MAP2K5: variants seen among roughly 807,000 people sequenced by gnomAD.
MAP2K5 encodes the protein dual specificity mitogen-activated protein kinase kinase 5.
In MAP2K5, 49 loss-of-function variants were observed where a neutral mutation model predicts 83.1. That is an observed-to-expected ratio of 0.59 (90% CI 0.47 to 0.75). The LOEUF (loss-of-function observed/expected upper bound fraction) is 0.75. Among genes scored for constraint, MAP2K5 ranks in the 30% least tolerant of loss-of-function variants. MAP2K5 has a pLI of 0.00. For synonymous variants in MAP2K5, 202 were observed against 191.8 expected, an observed-to-expected ratio of 1.05 and a Z score of -0.44; for missense variants, 457 against 557.5, an observed-to-expected ratio of 0.82 and a Z score of 1.82.
chr15:67,658,348 G>A (rs2087140983), intron 11 of MAP2K5, among the ~76,000 whole-genome samples: 1 of 152,050 alleles, frequency 6.6e-6, no homozygotes, highest in Non-Finnish European at 1.5e-5. Context: ...ATACACTTCA[G>A]AATAAAATGG....
chr15:67,685,077 A>G (rs920325196), intron 13 of MAP2K5, among the ~76,000 whole-genome samples: 1 of 152,204 alleles, frequency 6.6e-6, no homozygotes, highest in Non-Finnish European at 1.5e-5. Context: ...AATTTGGTGA[A>G]GCCTGTAAGT....
At chr15:67,621,367 A>G (rs997018604) in intron 8 of MAP2K5, among the ~76,000 whole-genome samples, 2 of 151,890 alleles carry the variant, frequency 1.3e-5, no homozygotes, top group Admixed American at 6.6e-5. Flanking sequence ...CAAGAAAATC[A>G]AGAAGGTGGG....
At chr15:67,799,646 C>T (rs994293352) in intron 21 of MAP2K5, among the ~76,000 whole-genome samples, 2 of 152,262 alleles carry the variant, frequency 1.3e-5, no homozygotes, top group African/African-American at 4.8e-5. Context: ...CAGAGGTGAA[C>T]AACTGCAGGC....
chr15:67,625,424 T>C (rs1472432526), intron 8 of MAP2K5, among the ~76,000 whole-genome samples: 1 of 152,228 alleles, frequency 6.6e-6, no homozygotes, highest in Non-Finnish European at 1.5e-5. Context: ...CATGCAGTCA[T>C]TGAATCAGGT....
At chr15:67,798,646 A>T (rs1596992029) in intron 21 of MAP2K5, among the ~76,000 whole-genome samples, 1 of 151,826 alleles carries the variant, frequency 6.6e-6, no homozygotes, top group Admixed American at 6.6e-5. Flanking sequence ...GAGCTGCTTG[A>T]CCCCCTTAGG....
Position 67,800,789 on chromosome 15 carries a change from C to T in MAP2K5, c.1243-5857C>T, listed in dbSNP as rs559547421. ...ACACAGCTTTACACATGCATGTGTA[C>T]GTCCTAAGTGGACGTCTTTTTTCAA... On this transcript the variant is annotated intron_variant, in intron 21 of 21. Coordinates refer to ENST00000178640, the MANE Select transcript of MAP2K5 (RefSeq NM_145160.3). Among the ~76,000 whole-genome samples, 4 of 152,284 alleles carry T rather than the reference C, an allele frequency of 2.6e-5. No individual in the cohort carries two copies. The South Asian group carries it at 6.2e-4, about 24-fold the overall frequency.
intron 16 of MAP2K5, among the ~76,000 whole-genome samples, chr15:67,714,616 T>C (rs946892821): frequency 1.3e-5 from 2 of 152,104 alleles, no homozygotes; most frequent in African/African-American, 2.4e-5. Flanking sequence ...AATTTGCCAT[T>C]TGGTGTGTTT....
At chr15:67,685,914 C>T (rs2087939869) in intron 13 of MAP2K5, among the ~76,000 whole-genome samples, 3 of 152,238 alleles carry the variant, frequency 2.0e-5, no homozygotes, top group African/African-American at 4.8e-5. Context: ...ATTTGCACTA[C>T]ATCAGCAGAA....
intron 16 of MAP2K5, among the ~76,000 whole-genome samples, chr15:67,709,907 A>C (rs538960151): frequency 2.9e-4 from 44 of 152,214 alleles, no homozygotes; most frequent in Non-Finnish European, 5.6e-4. Flanking sequence ...ATTTTCACTG[A>C]GTATGCTGTA....
rs2090106678 is a variant in MAP2K5 at position 67,769,733 on chromosome 15, G to A, written c.1196+70G>A. ...CATGCCATTAACTCGGCAGCTCCGT[G>A]AGACCTTATGGCTCTCCCTGCATCC... On this transcript the variant is annotated intron_variant, in intron 20 of 21. Transcript: ENST00000178640. The surrounding 1 kb of genome is among the most constrained non-coding windows in gnomAD (Gnocchi z 5.2). 1.4e-6 allele frequency: 2 copies of A among 1,477,350 alleles called. No homozygotes were observed. 91.5% of individuals were successfully genotyped at this position (1,477,350 alleles called of 1,614,324 possible).
chr15:67,756,881 T>C (rs1477406749), intron 19 of MAP2K5, among the ~76,000 whole-genome samples: 2 of 152,158 alleles, frequency 1.3e-5, no homozygotes, highest in African/African-American at 2.4e-5. Context: ...ATTTCCTTTT[T>C]TAAGGCTGAA....
At chr15:67,596,268 A>G (rs1355794829) in intron 7 of MAP2K5, among the ~76,000 whole-genome samples, 2 of 152,134 alleles carry the variant, frequency 1.3e-5, no homozygotes, top group Non-Finnish European at 2.9e-5. Context: ...TAAAAATACA[A>G]AAAATTTGCT....
chr15:67,672,160 TC>T (rs1330865190), intron 13 of MAP2K5, among the ~76,000 whole-genome samples: 1 of 151,602 alleles, frequency 6.6e-6, no homozygotes, highest in East Asian at 2.0e-4. Flanking sequence ...TGATTTATAG[TC>T]CTTTGGGTAT....
At chr15:67,787,020 G>A (rs76269222) in intron 21 of MAP2K5, among the ~76,000 whole-genome samples, 3,269 of 152,316 alleles carry the variant, frequency 0.021, 55 homozygotes, top group African/African-American at 0.037. Context: ...GGTAAAGTTA[G>A]CTGCATGGGG....
At chr15:67,649,143 T>A (rs1179224926) in intron 11 of MAP2K5, among the ~76,000 whole-genome samples, 1 of 152,228 alleles carries the variant, frequency 6.6e-6, no homozygotes, top group Admixed American at 6.5e-5. Flanking sequence ...TGACTAATGA[T>A]GTTGAGCATC....
At chr15:67,789,441 G>T (rs1001015853) in intron 21 of MAP2K5, among the ~76,000 whole-genome samples, 1 of 152,178 alleles carries the variant, frequency 6.6e-6, no homozygotes, top group African/African-American at 2.4e-5. Flanking sequence ...TAGTTGGCCA[G>T]GCGTGGCGGC....
At chr15:67,791,804 C>G (rs576141778) in intron 21 of MAP2K5, among the ~76,000 whole-genome samples, 48 of 152,310 alleles carry the variant, frequency 3.2e-4, no homozygotes, top group African/African-American at 1.1e-3. Flanking sequence ...AAGCATTTCT[C>G]TCTCCAAATC....
rs2095300884 is a variant in MAP2K5 at position 67,717,985 on chromosome 15, T to C, written c.1045-9931T>C. On this transcript the variant is annotated intron_variant, in intron 16 of 21. Transcript: ENST00000178640. The surrounding 1 kb of genome is among the most constrained non-coding windows in gnomAD (Gnocchi z 4.1). ...AAGAGCATCTTGGGCTGTAGATTCTTTTAAGGCCATCACTGGAAGCACGGC... is the reference window on the plus strand; with the variant it reads ...AAGAGCATCTTGGGCTGTAGATTCTCTTAAGGCCATCACTGGAAGCACGGC... 6.6e-6 allele frequency: 1 copy of C among 152,222 alleles called. No homozygotes were observed. The highest frequency in any genetic ancestry group is 1.5e-5 in the Non-Finnish European group (1 of 68,050). The allele number at this position is 152,222 out of a possible 1,614,324, so 9.4% of individuals were successfully genotyped here. A position where few individuals can be genotyped will look rare whatever the true frequency, so the allele number is the denominator to read the frequency against.
At position 67,780,863 on chromosome 15, in the gene MAP2K5, T is replaced by A. The variant is rs762488622; in HGVS notation, c.1242+8111T>A. ...TGGATGTATGGACAGAGCTAGGAGG[T>A]GCTGACCAGGTGGTGATCAGCAGCA... On this transcript the variant is annotated intron_variant, in intron 21 of 21. Transcript: ENST00000178640. This position sits in a 1 kb window ranked among gnomAD's most constrained non-coding sequence, Gnocchi z 5.0. Among the ~76,000 whole-genome samples, 5 of 152,056 alleles carry A rather than the reference T, an allele frequency of 3.3e-5. No individual in the cohort carries two copies. Among genetic ancestry groups the A allele is most frequent in the Non-Finnish European group, 7.4e-5 (5 of 67,988 alleles).
Sources: allele counts gnomAD v4.1 joint callset (sites outside exome capture counted in the v4.1 genomes callset), GRCh38; gene constraint gnomAD v4.1.1; non-coding constraint Gnocchi (gnomAD v3.1); transcripts MANE v1.5; gene names NCBI Gene and HGNC (gene_info 2026-07-23, HGNC 2026-07-21).